Variants in PI4KA observed in about 807,000 individuals in gnomAD.
PI4KA encodes the protein PI4-kinase alpha.
PI4KA carries 122 observed loss-of-function variants against 271.4 expected under a neutral mutation model. That is an observed-to-expected ratio of 0.45 (90% CI 0.39 to 0.52). The LOEUF is 0.52. PI4KA is among the 20% of genes least tolerant of loss of function. PI4KA has a pLI of 0.00. For synonymous variants in PI4KA, 1,041 were observed against 1,078.8 expected (o/e 0.96, Z 0.69); for missense variants, 1,969 against 2,769.1 (o/e 0.71, Z 6.48).
At chr22:20,852,142 T>C (rs1446491015) in intron 1 of PI4KA, among the ~76,000 whole-genome samples, 1 of 151,756 alleles carries the variant, frequency 6.6e-6, no homozygotes, top group Non-Finnish European at 1.5e-5. Context: ...AATAAATAAA[T>C]AAACAAATAA....
chr22:20,773,097 C>T (rs1009203607), intron 19 of PI4KA, among the ~76,000 whole-genome samples: 2 of 151,358 alleles, frequency 1.3e-5, no homozygotes, highest in African/African-American at 2.4e-5. Context: ...TCTCAAAAAA[C>T]ACATAGGGCC....
At chr22:20,817,985 C>T (rs1367030985) in intron 7 of PI4KA, among the ~76,000 whole-genome samples, 2 of 151,758 alleles carry the variant, frequency 1.3e-5, no homozygotes, top group African/African-American at 4.8e-5. Flanking sequence ...ATTAGCTGAG[C>T]ATGCTGGTGT....
At chr22:20,758,657 T>G (rs543565130) in intron 23 of PI4KA, among the ~76,000 whole-genome samples, 1 of 152,092 alleles carries the variant, frequency 6.6e-6, no homozygotes, top group African/African-American at 2.4e-5. Context: ...AACAGATCAA[T>G]GAACAGTTCA....
chr22:20,784,202 AC>A (rs36111713), intron 19 of PI4KA: 6 of 1,614,030 alleles, frequency 3.7e-6, no homozygotes, highest in East Asian at 4.5e-5. Flanking sequence ...AGCGCAACTG[AC>A]ACCCCGGGTG....
chr22:20,783,120 C>T (rs1933926965), intron 19 of PI4KA, among the ~76,000 whole-genome samples: 1 of 152,248 alleles, frequency 6.6e-6, no homozygotes, highest in Non-Finnish European at 1.5e-5. Context: ...ATGGCCAGTT[C>T]TCAACTACTA....
rs182823652 is a variant in PI4KA, at chr22:20,722,584, G to A, written c.4996-1166C>T. On this transcript the variant is annotated intron_variant, in intron 42 of 54. Coordinates refer to ENST00000255882, the MANE Select transcript of PI4KA (RefSeq NM_058004.4). ...TCCTCTTCCTTCTTGGTCATTTTCC[G>A]CCACTCATAGTAGTAACTCCAGTTT... 2.1e-3 allele frequency among the ~76,000 whole-genome samples: 324 copies of A among 152,244 alleles called. 1 individual carries two copies. Among genetic ancestry groups the A allele is most frequent in the Non-Finnish European group, 3.3e-3 (223 of 68,016 alleles).
chr22:20,807,955 A>T (rs1177986517), intron 9 of PI4KA, among the ~76,000 whole-genome samples: 1 of 148,264 alleles, frequency 6.7e-6, no homozygotes, highest in Non-Finnish European at 1.5e-5. Flanking sequence ...CTTCTTCTGA[A>T]AAAAAAAAAA....
chr22:20,734,728 G>A, intron 32 of PI4KA, 175 bp from the exon 33 acceptor site: 2 of 789,916 alleles, frequency 2.5e-6, no homozygotes, highest in South Asian at 1.9e-5. Context: ...GGTCATCTGT[G>A]TCAGTGCTTG....
rs528142832 is a variant in PI4KA, at chr22:20,797,193, G to T, written c.2109-879C>A. ...CTGGTAGGTCAAGGGCAAACAAAGGGCAGTAAATGCTTCCACTGGTGAGGA... is the reference window on the plus strand; with the variant it reads ...CTGGTAGGTCAAGGGCAAACAAAGGTCAGTAAATGCTTCCACTGGTGAGGA... On this transcript the variant is annotated intron_variant, in intron 17 of 54. Coordinates refer to ENST00000255882, the MANE Select transcript of PI4KA (RefSeq NM_058004.4). Among the ~76,000 whole-genome samples, 7 of 152,334 alleles carry T rather than the reference G, an allele frequency of 4.6e-5. No homozygotes were observed. In the South Asian group the frequency reaches 1.4e-3, roughly 32 times the overall value.
chr22:20,770,791 T>C (rs1932839787), intron 19 of PI4KA, among the ~76,000 whole-genome samples: 2 of 152,062 alleles, frequency 1.3e-5, no homozygotes, highest in South Asian at 2.1e-4. Context: ...TTCCAAACTT[T>C]AGTGATCCTC....
chr22:20,721,646 G>A (rs963138221), intron 42 of PI4KA: 5 of 528,762 alleles, frequency 9.5e-6, no homozygotes, highest in Admixed American at 6.2e-5. Context: ...CAAAGCGGGC[G>A]ACAGTCAGCC....
chr22:20,720,774 G>T (rs1294041804), intron 43 of PI4KA, among the ~76,000 whole-genome samples: 2 of 152,144 alleles, frequency 1.3e-5, no homozygotes, highest in African/African-American at 4.8e-5. Context: ...GTTTTTTGGG[G>T]AAAGTTATTT....
At chr22:20,709,885 T>C (rs1227233395) in intron 53 of PI4KA, 23 bp downstream of exon 53, 11 of 1,324,954 alleles carry the variant, frequency 8.3e-6, no homozygotes, top group South Asian at 1.2e-5. Flanking sequence ...CCAGATGGCC[T>C]GCGTGTCCAC....
intron 1 of PI4KA, among the ~76,000 whole-genome samples, chr22:20,851,528 G>C (rs1033573898): frequency 2.6e-5 from 4 of 152,084 alleles, no homozygotes; most frequent in African/African-American, 7.2e-5. Flanking sequence ...AGTAGAGACA[G>C]GGTTGCACCA....
In PI4KA at chr22:20,727,332, C is replaced by A. The variant is rs138429041; in HGVS notation, c.4839G>T (p.Ala1613=). The change falls in exon 41 of 55, where the codon GCG becomes GCT. Residue 1613 remains alanine (A), a synonymous_variant. Transcript: ENST00000255882. ...APELSHVLCW[A]PTDPPTGLSY... Reference sequence around the variant, plus strand: ...AGAGGCCTGTGGGTGGGTCCGTGGGCGCCCAGCACAGCACATGGCTGAGCT... The same window carrying A: ...AGAGGCCTGTGGGTGGGTCCGTGGGAGCCCAGCACAGCACATGGCTGAGCT... 3.1e-4 allele frequency: 504 copies of A among 1,612,842 alleles called. No individual in the cohort carries two copies. The highest frequency in any genetic ancestry group is 1.0e-3 in the East Asian group (47 of 44,846).
chr22:20,829,435 G>GT (rs1482239632), intron 3 of PI4KA, among the ~76,000 whole-genome samples: 2 of 152,214 alleles, frequency 1.3e-5, no homozygotes, highest in East Asian at 3.9e-4. Flanking sequence ...TTTCTGGCTT[G>GT]TAGGCATAGA....
intron 32 of PI4KA, among the ~76,000 whole-genome samples, chr22:20,737,792 T>C (rs1231127127): frequency 1.1e-4 from 16 of 151,988 alleles, no homozygotes. Flanking sequence ...CCACCACACC[T>C]GGCTAATTTT....
At chr22:20,768,429 G>C (rs1932725577) in intron 19 of PI4KA, among the ~76,000 whole-genome samples, 1 of 151,660 alleles carries the variant, frequency 6.6e-6, no homozygotes. Context: ...AATATGTCAA[G>C]AGAAAAAAAT....
intron 28 of PI4KA, among the ~76,000 whole-genome samples, 177 bp downstream of exon 28, chr22:20,749,728 C>A (rs1365952588): frequency 6.6e-6 from 1 of 152,256 alleles, no homozygotes; most frequent in South Asian, 2.1e-4. Context: ...GCCCCACAGG[C>A]GCTCCTAACA....
Sources: gnomAD v4.1 joint callset for allele counts (sites outside exome capture counted in the v4.1 genomes callset) on GRCh38, gnomAD v4.1.1 for gene constraint, MANE v1.5 for transcripts, NCBI Gene and HGNC (gene_info 2026-07-23, HGNC 2026-07-21) for gene names.